Variants in EED observed in about 807,000 individuals in gnomAD.
The protein encoded by EED is polycomb protein EED.
Under a neutral mutation model 61.0 loss-of-function variants are expected in EED, and 9 were observed. The ratio of observed to expected loss-of-function variants is 0.15; its 90% CI spans 0.09 to 0.26. The LOEUF (loss-of-function observed/expected upper bound fraction) is 0.26, where lower values mean the gene tolerates loss of function less well. EED is among the 10% of genes least tolerant of loss of function. The probability of loss-of-function intolerance (pLI) is 1.00; values close to 1 mark genes in which losing one functional copy is unlikely to be tolerated. For missense variants in EED, 315 were observed against 542.3 expected (o/e 0.58, Z 4.16); for synonymous variants, 187 against 174.4 (o/e 1.07, Z -0.57).
chr11:86,284,888 GATC>G, the EED span, among the ~76,000 whole-genome samples: 1 of 152,066 alleles, frequency 6.6e-6, no homozygotes, highest in East Asian at 1.9e-4. Flanking sequence ...GAGGTGGGCG[GATC>G]ATCTGAGGTC....
At chr11:86,250,844 CAG>C (rs1430277121) in intron 2 of EED, among the ~76,000 whole-genome samples, 11 of 151,990 alleles carry the variant, frequency 7.2e-5, no homozygotes, top group African/African-American at 2.7e-4. Flanking sequence ...TAAATTGAAA[CAG>C]ATGTTTTACT....
At chr11:86,250,036 C>T (rs985185629) in intron 1 of EED, among the ~76,000 whole-genome samples, 1 of 152,110 alleles carries the variant, frequency 6.6e-6, no homozygotes, top group Non-Finnish European at 1.5e-5. Flanking sequence ...CAGACCAGTG[C>T]CTTATTAAAG....
At chr11:86,266,282 C>A in intron 8 of EED, 66 bp downstream of exon 8, 1 of 1,389,202 alleles carries the variant, frequency 7.2e-7, no homozygotes, top group Non-Finnish European at 9.6e-7. Context: ...TTATTTTTTC[C>A]CAAAATTGCT....
intron 8 of EED, among the ~76,000 whole-genome samples, chr11:86,266,863 A>G (rs912917663): frequency 6.6e-6 from 1 of 152,194 alleles, no homozygotes; most frequent in Admixed American, 6.5e-5. Flanking sequence ...GTATGTCTGC[A>G]TGTTAACTTT....
intron 3 of EED, 126 bp from the exon 4 acceptor site, chr11:86,255,096 G>A: frequency 1.6e-6 from 1 of 642,256 alleles, no homozygotes; most frequent in Non-Finnish European, 2.6e-6. Context: ...CTCACAGGAG[G>A]TATTTTAAGG....
chr11:86,263,061 A>G (rs902174995), intron 6 of EED, among the ~76,000 whole-genome samples: 8 of 151,858 alleles, frequency 5.3e-5, no homozygotes, highest in African/African-American at 1.2e-4. Flanking sequence ...TCCTGCCTCA[A>G]TCTCAAAGTG....
intron 10 of EED, 95 bp from the exon 11 acceptor site, chr11:86,277,823 T>G: frequency 5.5e-6 from 7 of 1,278,136 alleles, no homozygotes. Flanking sequence ...GAACTGAGCT[T>G]TTTCTGAAAC....
downstream of EED, among the ~76,000 whole-genome samples, chr11:86,279,442 G>GT (rs1269244608): frequency 6.6e-6 from 1 of 152,120 alleles, no homozygotes; most frequent in Admixed American, 6.5e-5. Context: ...GGAATAGTTG[G>GT]TTATTTTGTC....
intron 2 of EED, among the ~76,000 whole-genome samples, chr11:86,250,873 CTTTG>C (rs1485135531): frequency 6.6e-6 from 1 of 151,654 alleles, no homozygotes; most frequent in Non-Finnish European, 1.5e-5. Flanking sequence ...AGTTTCTGTC[CTTTG>C]TTTTATTTAT....
At chr11:86,266,441 T>A (rs1945981499) in intron 8 of EED, among the ~76,000 whole-genome samples, 2 of 152,140 alleles carry the variant, frequency 1.3e-5, no homozygotes, top group Admixed American at 6.5e-5. Flanking sequence ...GTTGTCATCT[T>A]AACTTAGTAG....
chr11:86,273,148 C>T (rs184380635), intron 9 of EED, among the ~76,000 whole-genome samples: 2 of 152,278 alleles, frequency 1.3e-5, no homozygotes, highest in East Asian at 3.9e-4. Flanking sequence ...TTCAGCCTCC[C>T]GAGTAGCTAG....
At chr11:86,258,196 G>A (rs1285566177) in intron 6 of EED, among the ~76,000 whole-genome samples, 2 of 151,992 alleles carry the variant, frequency 1.3e-5, no homozygotes, top group Admixed American at 6.5e-5. Context: ...ATTTTAGTAG[G>A]AAAATCCCAG....
Position 86,252,257 on chromosome 11 carries a change from C to T in EED, c.360+17C>T, listed in dbSNP as rs60350873. The T allele has an allele frequency of 6.5e-7, 1 of 1,548,572 alleles. No individual in the cohort carries two copies. Among genetic ancestry groups the T allele is most frequent in the Non-Finnish European group, 8.8e-7 (1 of 1,131,722 alleles). On this transcript the variant is annotated intron_variant, in intron 3 of 11. Transcript: ENST00000263360. ...AGCAACAGAGTGAGTGTTAAGGGGT[C>T]TATTTAGTATTTGGCTTGATTTCCA... is the stretch of plus-strand genomic sequence containing the variant.
intron 1 of EED, among the ~76,000 whole-genome samples, chr11:86,249,223 C>G (rs1033342719): frequency 6.6e-6 from 1 of 152,096 alleles, no homozygotes; most frequent in African/African-American, 2.4e-5. Flanking sequence ...CATTAAATTA[C>G]AATTCAAATA....
chr11:86,267,394 A>G (rs74802694), intron 8 of EED, among the ~76,000 whole-genome samples: 449 of 152,326 alleles, frequency 2.9e-3, no homozygotes, highest in African/African-American at 0.01. Flanking sequence ...TGCCTAAGAC[A>G]ACTAATTCAT....
chr11:86,285,821 C>T, the EED span, among the ~76,000 whole-genome samples: 3 of 152,108 alleles, frequency 2.0e-5, no homozygotes. Flanking sequence ...TGGTCTCGAA[C>T]TCCTGACCTC....
chr11:86,287,093 CTTT>C, the EED span, among the ~76,000 whole-genome samples: 6 of 142,902 alleles, frequency 4.2e-5, no homozygotes, highest in African/African-American at 1.5e-4. Flanking sequence ...TTTTCTATTT[CTTT>C]TTTTTTTTCT....
Position 86,278,681 on chromosome 11 carries a change from C to T in EED, c.*156C>T, listed in dbSNP as rs1946285588. 1.1e-6 allele frequency: 1 copy of T among 917,256 alleles called. No homozygotes were observed. The highest frequency in any genetic ancestry group is 1.5e-6 in the Non-Finnish European group (1 of 660,890). 56.8% of individuals were successfully genotyped at this position (917,256 alleles called of 1,614,324 possible). ...TAGTGATGTTTACATTGTTTACATT[C>T]TTTGTACTGTCTTCCTGCTCAGACT... On this transcript the variant is annotated 3_prime_UTR_variant, in exon 12 of 12. Transcript: ENST00000263360.
At chr11:86,281,128 T>C (rs1946318807), downstream of EED, among the ~76,000 whole-genome samples, 2 of 152,248 alleles carry the variant, frequency 1.3e-5, no homozygotes, top group African/African-American at 4.8e-5. Flanking sequence ...TTTCTGCTAG[T>C]GTCCTTGGTC....
Sources: gnomAD v4.1 joint callset for allele counts (sites outside exome capture counted in the v4.1 genomes callset) on GRCh38, gnomAD v4.1.1 for gene constraint, MANE v1.5 for transcripts, NCBI Gene and HGNC (gene_info 2026-07-23, HGNC 2026-07-21) for gene names.